SIGLEC10: variants seen among roughly 807,000 people sequenced by gnomAD.
SIGLEC10 encodes sialic acid binding Ig like lectin 10.
SIGLEC10 carries 45 observed loss-of-function variants against 68.3 expected under a neutral mutation model. The observed-to-expected ratio is 0.66, with a 90% CI of 0.52 to 0.84. The LOEUF is 0.84. Ranked by LOEUF, SIGLEC10 falls within the 40% of genes least tolerant of loss-of-function variation. SIGLEC10 has a pLI of 0.00. For missense variants in SIGLEC10, 789 were observed against 883.1 expected, an observed-to-expected ratio of 0.89 and a Z score of 1.35; for synonymous variants, 379 against 370.8, an observed-to-expected ratio of 1.02 and a Z score of -0.26.
chr19:51,413,330 C>T (rs1198157453), intron 10 of SIGLEC10, among the ~76,000 whole-genome samples: 1 of 152,104 alleles, frequency 6.6e-6, no homozygotes, highest in South Asian at 2.1e-4. Context: ...AGGATTTGAA[C>T]CCATGCAGGC....
rs1439738732 is a variant in SIGLEC10, at chr19:51,414,920, G to C, written c.1519C>G (p.Leu507Val). The change falls in exon 8 of 11, where the codon CTG becomes GTG. Residue 507 changes from leucine to valine, a missense_variant. Leu to Val is a conservative substitution (Grantham distance 32). Coordinates refer to ENST00000339313, the MANE Select transcript of SIGLEC10 (RefSeq NM_033130.5). This position sits in a 1 kb window ranked among gnomAD's most constrained non-coding sequence, Gnocchi z 4.1. ...SSAGPWANSS[L>V]SLHGGLSSGL... ...GAGCTGAGCCCTCCATGGAGGCTCA[G>C]GGAGCTGTTGGCCCAGGGCCCGGCT... 5.0e-6 allele frequency: 8 copies of C among 1,613,998 alleles called. No homozygotes were observed. Among genetic ancestry groups the C allele is most frequent in the Non-Finnish European group, 6.8e-6 (8 of 1,180,016 alleles).
chr19:51,415,175 A>G lies in SIGLEC10; in HGVS notation c.1330+6T>C. 1 of 1,596,682 alleles carries G rather than the reference A, an allele frequency of 6.3e-7. No individual in the cohort carries two copies. On this transcript the variant is annotated splice_donor_region_variant and intron_variant, in intron 7 of 10. Transcript: ENST00000339313. ...GGGACCCAGGTGTCCCCTTTCCCCC[A>G]CTCACAGTGCACGGAGAGGCTGAGA...
In SIGLEC10 at chr19:51,414,439, G is replaced by T. The variant is rs1988346141; in HGVS notation, c.1692C>A (p.Leu564=). The T allele has an allele frequency of 6.2e-7, 1 of 1,613,920 alleles. No homozygotes were observed. The highest frequency in any genetic ancestry group is 8.5e-7 in the Non-Finnish European group (1 of 1,179,944). The part of the protein sequence containing the change: ...LGIGITALLF[L]CLALIIMKIL... Reference sequence around the variant, plus strand: ...TAACCTACATGATCAGGGCCAGGCAGAGGAAAAGAAGAGCCGTGATGCCGA... The same window carrying T: ...TAACCTACATGATCAGGGCCAGGCATAGGAAAAGAAGAGCCGTGATGCCGA... The change falls in exon 9 of 11, where the codon CTC becomes CTA. Residue 564 remains leucine (L), a synonymous_variant. Transcript: ENST00000339313. The surrounding 1 kb of genome is among the most constrained non-coding windows in gnomAD (Gnocchi z 4.1).
Position 51,415,150 on chromosome 19 carries a change from G to T in SIGLEC10, c.1330+31C>A, listed in dbSNP as rs1459555109. 6 of 1,579,176 alleles carry T rather than the reference G, an allele frequency of 3.8e-6. No homozygotes were observed. The Admixed American group carries it at 9.1e-5, about 24-fold the overall frequency. On this transcript the variant is annotated intron_variant, in intron 7 of 10. Transcript: ENST00000339313. ...CAGGACTCAGCAGGGTCCCCTTCCT[G>T]GGACCCAGGTGTCCCCTTTCCCCCA... is the stretch of plus-strand genomic sequence containing the variant.
rs1988776925 is a variant in SIGLEC10 at position 51,417,160 on chromosome 19, G to A, written c.343C>T (p.Gln115Ter). 1.2e-6 allele frequency: 2 copies of A among 1,614,190 alleles called. No individual in the cohort carries two copies. Among genetic ancestry groups the A allele is most frequent in the Non-Finnish European group, 1.7e-6 (2 of 1,180,024 alleles). Reference sequence around the variant, plus strand: ...CCTCTCTCCACCCGAAAGAAGTACTGTGACTCATCCTGCATCTGCGCGTCT... The same window carrying A: ...CCTCTCTCCACCCGAAAGAAGTACTATGACTCATCCTGCATCTGCGCGTCT... Reference protein sequence around the residue: ...IRDAQMQDESQYFFRVERGSY... With the variant: ...IRDAQMQDES The change falls in exon 2 of 11, where the codon CAG becomes TAG. Residue 115 changes from glutamine (Q) to a stop codon, truncating the protein, a stop_gained. Transcript: ENST00000339313. LOFTEE classifies it high-confidence loss of function.
intron 3 of SIGLEC10, 86 bp downstream of exon 3, chr19:51,416,580 G>C (rs900819415): frequency 5.0e-6 from 8 of 1,593,504 alleles, no homozygotes; most frequent in Non-Finnish European, 6.8e-6. Context: ...TCCTGAGCTG[G>C]GAGCCGCTCA....
In SIGLEC10 at chr19:51,416,126, C is replaced by T. The variant is rs760123300; in HGVS notation, c.796G>A (p.Ala266Thr). The part of the protein sequence containing the change: ...QPQGNVPYLE[A>T]QKGQFLRLLC... ...AGCCGCAGGAACTGGCCTTTTTGGG[C>T]TTCCAGGTATGGGACATTTCCCTGG... Residue 266 changes from alanine (A) to threonine (T), a missense_variant, in exon 5 of 11, where the codon GCC (alanine) becomes ACC (threonine). Transcript: ENST00000339313. The T allele has an allele frequency of 4.4e-6, 7 of 1,607,778 alleles. No individual in the cohort carries two copies. The highest frequency in any genetic ancestry group is 3.4e-6 in the Non-Finnish European group (4 of 1,177,156).
Position 51,416,866 on chromosome 19 carries a change from G to A in SIGLEC10, c.506C>T (p.Ala169Val). Residue 169 changes from alanine to valine, a missense_variant, in exon 3 of 11, where the codon GCC becomes GTC. Ala to Val is a moderately conservative substitution (Grantham distance 64, BLOSUM62 0). Transcript: ENST00000339313. ...PVTVICVFNWAFEECPPPSFS... is the reference protein window; with the variant it reads ...PVTVICVFNWVFEECPPPSFS... ...AGAAGGGGGTGGACATTCCTCAAAG[G>A]CCCAGTTAAACACACAGATGACCGT... is the stretch of plus-strand genomic sequence containing the variant. 1.2e-6 allele frequency: 2 copies of A among 1,614,170 alleles called. No homozygotes were observed. Among genetic ancestry groups the A allele is most frequent in the Non-Finnish European group, 1.7e-6 (2 of 1,180,022 alleles).
rs144175828 is a variant in SIGLEC10, at chr19:51,415,571, T to C, written c.1069A>G (p.Thr357Ala). The change falls in exon 6 of 11, where the codon ACA becomes GCA. Residue 357 changes from threonine (T) to alanine (A), a missense_variant. By Grantham distance (58) the Thr-to-Ala change is moderately conservative (BLOSUM62 0). Coordinates refer to ENST00000339313, the MANE Select transcript of SIGLEC10 (RefSeq NM_033130.5). Reference sequence around the variant, plus strand: ...GCTCCTCTGTCCCCTTTCCTACCTGTCCTGTTTGCTTGGGAAACCATCACT... The same window carrying C: ...GCTCCTCTGTCCCCTTTCCTACCTGCCCTGTTTGCTTGGGAAACCATCACT... The part of the protein sequence containing the change: ...LRVMVSQANR[T>A]VLENLGNGTS... The C allele has an allele frequency of 6.2e-6, 10 of 1,613,852 alleles. No individual in the cohort carries two copies. The African/African-American group carries it at 1.2e-4, about 19-fold the overall frequency.
chr19:51,416,655 G>T lies in SIGLEC10; in HGVS notation c.706+11C>A. The T allele has an allele frequency of 6.2e-7, 1 of 1,612,684 alleles. No individual in the cohort carries two copies. Among genetic ancestry groups the T allele is most frequent in the Non-Finnish European group, 8.5e-7 (1 of 1,179,892 alleles). On this transcript the variant is annotated intron_variant, in intron 3 of 10. Transcript: ENST00000339313. ...CTGTCTGCACACCCCACCCTCCCAG[G>T]CCACACTCACAGGCCACACGGAGTC...
chr19:51,414,984 C>G lies in SIGLEC10; in HGVS notation c.1455G>C (p.Gly485=), dbSNP rs780402475. 6.2e-7 allele frequency: 1 copy of G among 1,613,100 alleles called. No homozygotes were observed. The highest frequency in any genetic ancestry group is 8.5e-7 in the Non-Finnish European group (1 of 1,179,894). Residue 485 remains glycine (G), a synonymous_variant, in exon 8 of 11, where the codon GGG becomes GGC. Transcript: ENST00000339313. The surrounding 1 kb of genome is among the most constrained non-coding windows in gnomAD (Gnocchi z 4.1). The stretch of plus-strand genomic sequence containing the variant: ...CCTCGAAGGAGTCCTGGCTGCTGTT[C>G]CCCTCCAGCAGCTCCTCCCCAAGCC... ...RWWLGEELLE[G]NSSQDSFEVT... is the part of the protein sequence containing the mutation.
In SIGLEC10 at chr19:51,414,821, A is replaced by T; in HGVS notation, c.1615+3T>A. The T allele has an allele frequency of 1.2e-6, 2 of 1,612,854 alleles. No homozygotes were observed. Among genetic ancestry groups the T allele is most frequent in the Non-Finnish European group, 1.7e-6 (2 of 1,179,660 alleles). Reference sequence around the variant, plus strand: ...AACCTTGGCATCCAGGCGGCCCCCTAACCTGGCAGCTGCAGGATGGATCCA... The same window carrying T: ...AACCTTGGCATCCAGGCGGCCCCCTTACCTGGCAGCTGCAGGATGGATCCA... On this transcript the variant is annotated splice_donor_region_variant and intron_variant, in intron 8 of 10. Coordinates refer to ENST00000339313, the MANE Select transcript of SIGLEC10 (RefSeq NM_033130.5). The surrounding 1 kb of genome is among the most constrained non-coding windows in gnomAD (Gnocchi z 4.1).
intron 4 of SIGLEC10, 44 bp downstream of exon 4, chr19:51,416,266 T>A (rs1988640573): frequency 1.2e-6 from 2 of 1,613,244 alleles, no homozygotes; most frequent in African/African-American, 2.7e-5. Context: ...AGCCTTTTCA[T>A]CTAAAGACAA....
rs911950015 is a variant in SIGLEC10, at chr19:51,414,215, C to T, written c.1709+207G>A. ...ATTACAAGAAACACTTCGCTTGGGG[C>T]GTGACTGCCCTCAGCATTCCCTCTG... is the stretch of plus-strand genomic sequence containing the variant. On this transcript the variant is annotated intron_variant, in intron 9 of 10. Coordinates refer to ENST00000339313, the MANE Select transcript of SIGLEC10 (RefSeq NM_033130.5). The surrounding 1 kb of genome is among the most constrained non-coding windows in gnomAD (Gnocchi z 4.1). The T allele has an allele frequency of 1.2e-5, 7 of 592,974 alleles. No individual in the cohort carries two copies. Among genetic ancestry groups the T allele is most frequent in the South Asian group, 2.0e-5 (1 of 50,036 alleles). 36.7% of individuals were successfully genotyped at this position (592,974 alleles called of 1,614,324 possible). A position where few individuals can be genotyped will look rare whatever the true frequency, so the allele number is the denominator to read the frequency against.
chr19:51,416,229 G>T, intron 4 of SIGLEC10, 62 bp from the exon 5 acceptor site: 1 of 1,612,176 alleles, frequency 6.2e-7, no homozygotes, highest in Non-Finnish European at 8.5e-7. Context: ...AGGGGTACAG[G>T]GAGGAGCACA....
At position 51,410,991 on chromosome 19, in the gene SIGLEC10, AAAGAG is replaced by A. The variant is rs1465168634; in HGVS notation, c.*103_*107del. On this transcript the variant is annotated 3_prime_UTR_variant, in exon 11 of 11. Coordinates refer to ENST00000339313, the MANE Select transcript of SIGLEC10 (RefSeq NM_033130.5). ...GAGAGAGAAAGAGAGAGAGAGAGAG[AAAGAG>A]AGAGAGAGAGGGAGAGAAGGAAACT... is the stretch of plus-strand genomic sequence containing the variant. 3 of 1,270,342 alleles carry A rather than the reference AAAGAG, an allele frequency of 2.4e-6. No individual in the cohort carries two copies. Among genetic ancestry groups the A allele is most frequent in the African/African-American group, 1.5e-5 (1 of 66,426 alleles). 78.7% of individuals were successfully genotyped at this position (1,270,342 alleles called of 1,614,324 possible).
Position 51,411,316 on chromosome 19 carries a change from G to A in SIGLEC10, c.1877C>T (p.Pro626Leu). 1.2e-6 allele frequency: 2 copies of A among 1,614,166 alleles called. No homozygotes were observed. Among genetic ancestry groups the A allele is most frequent in the Non-Finnish European group, 1.7e-6 (2 of 1,180,032 alleles). ...TPNSPRTPLPPGAPSPESKKN... is the reference protein window; with the variant it reads ...TPNSPRTPLPLGAPSPESKKN... Reference sequence around the variant, plus strand: ...CTTTGATTCTGGGGAGGGAGCACCTGGTGGAAGAGGGGTCCGAGGACTGTT... The same window carrying A: ...CTTTGATTCTGGGGAGGGAGCACCTAGTGGAAGAGGGGTCCGAGGACTGTT... The change falls in exon 11 of 11, where the codon CCA becomes CTA. Residue 626 changes from proline (P) to leucine (L), a missense_variant. Physicochemically the swap from Pro to Leu is moderately conservative, Grantham distance 98. Transcript: ENST00000339313.
At position 51,415,917 on chromosome 19, in the gene SIGLEC10, G is replaced by T. The variant is rs779252691; in HGVS notation, c.1005C>A (p.Ala335=). The part of the protein sequence containing the change: ...AENRLGSQQR[A]LDLSVQYPPE... The stretch of plus-strand genomic sequence containing the variant: ...ACTCACACTGCACAGAGAGGTCCAG[G>T]GCTCGCTGCTGGGAGCCAAGCCTGT... Residue 335 remains alanine, a synonymous_variant, in exon 5 of 11, where the codon GCC becomes GCA. Coordinates refer to ENST00000339313, the MANE Select transcript of SIGLEC10 (RefSeq NM_033130.5). The T allele has an allele frequency of 3.1e-6, 5 of 1,613,076 alleles. No individual in the cohort carries two copies. The highest frequency in any genetic ancestry group is 4.2e-6 in the Non-Finnish European group (5 of 1,180,012).
intron 10 of SIGLEC10, among the ~76,000 whole-genome samples, chr19:51,411,881 A>G (rs1437599029): frequency 6.6e-6 from 1 of 151,960 alleles, no homozygotes; most frequent in Non-Finnish European, 1.5e-5. Flanking sequence ...GGTGGTTCAC[A>G]CCTGTAATCC....
Sources: gnomAD v4.1 joint callset for allele counts (sites outside exome capture counted in the v4.1 genomes callset) on GRCh38, gnomAD v4.1.1 for gene constraint, Gnocchi (gnomAD v3.1) non-coding constraint, MANE v1.5 for transcripts, NCBI Gene and HGNC (gene_info 2026-07-23, HGNC 2026-07-21) for gene names.